Variants in CAST observed in about 807,000 individuals in gnomAD.
The protein encoded by CAST is MIR583 host.
CAST carries 76 observed loss-of-function variants against 119.6 expected under a neutral mutation model. The observed-to-expected ratio is 0.64, with a 90% confidence interval of 0.53 to 0.77. The LOEUF (loss-of-function observed/expected upper bound fraction) is 0.77, where lower values mean the gene tolerates loss of function less well. Among genes scored for constraint, CAST ranks in the 30% least tolerant of loss-of-function variants. The probability of loss-of-function intolerance (pLI) is 0.00; values close to 1 mark genes in which losing one functional copy is unlikely to be tolerated. For missense variants in CAST, 953 were observed against 946.5 expected (o/e 1.01, Z -0.09); for synonymous variants, 319 against 331.6 (o/e 0.96, Z 0.41).
chr5:96,384,037 G>A, the CAST span, among the ~76,000 whole-genome samples: 1 of 152,112 alleles, frequency 6.6e-6, no homozygotes, highest in Non-Finnish European at 1.5e-5. Flanking sequence ...TTCAGAAATG[G>A]ATACTGGATA....
At chr5:96,039,939 A>AT in the CAST span, among the ~76,000 whole-genome samples, 1 of 152,070 alleles carries the variant, frequency 6.6e-6, no homozygotes, top group African/African-American at 2.4e-5. Flanking sequence ...TGGGGATAGC[A>AT]TGAATCTATA....
At chr5:96,373,014 AT>A in the CAST span, among the ~76,000 whole-genome samples, 10 of 151,262 alleles carry the variant, frequency 6.6e-5, no homozygotes, top group East Asian at 1.6e-3. Context: ...TGATTCTCCA[AT>A]TTTTTTTTGC....
the CAST span, among the ~76,000 whole-genome samples, chr5:96,114,272 T>C: frequency 6.6e-6 from 1 of 152,190 alleles, no homozygotes; most frequent in Non-Finnish European, 1.5e-5. Flanking sequence ...TAGAGTGGTC[T>C]GTGGACCAGC....
chr5:96,600,998 T>A (rs1580841080), intron 1 of CAST, among the ~76,000 whole-genome samples: 1 of 152,180 alleles, frequency 6.6e-6, no homozygotes, highest in South Asian at 2.1e-4. Context: ...TCTTCTGGTT[T>A]ACGAACCTAC....
the CAST span, among the ~76,000 whole-genome samples, chr5:95,968,271 A>G: frequency 6.6e-6 from 1 of 152,198 alleles, no homozygotes; most frequent in Non-Finnish European, 1.5e-5. Flanking sequence ...AAAATGATCC[A>G]TTCAGCTTTG....
At chr5:96,324,422 C>A in the CAST span, among the ~76,000 whole-genome samples, 4 of 152,204 alleles carry the variant, frequency 2.6e-5, no homozygotes, top group African/African-American at 9.6e-5. Flanking sequence ...TGGCCTTTAT[C>A]CTAATCGTAA....
At chr5:96,543,011 G>A (rs1470196124) in intron 1 of CAST, among the ~76,000 whole-genome samples, 1 of 152,136 alleles carries the variant, frequency 6.6e-6, no homozygotes, top group Non-Finnish European at 1.5e-5. Flanking sequence ...AATAACATTT[G>A]ACCCAGCCAT....
the CAST span, among the ~76,000 whole-genome samples, chr5:96,464,327 GTCAAAAATGACAGTA>G: frequency 6.6e-6 from 1 of 151,824 alleles, no homozygotes. Context: ...CCTTTGTTCA[GTCAAAAATGACAGTA>G]TTTACTGTCT....
intron 1 of CAST, among the ~76,000 whole-genome samples, chr5:96,640,248 C>T (rs927425474): frequency 3.9e-5 from 6 of 152,034 alleles, no homozygotes; most frequent in African/African-American, 4.8e-5. Flanking sequence ...TCTTGGATTA[C>T]GCTGGGCTTT....
chr5:96,714,932 T>C (rs1581092610), intron 3 of CAST: 1 of 151,798 alleles, frequency 6.6e-6, no homozygotes, highest in East Asian at 1.9e-4. Flanking sequence ...CTTGGGGTGG[T>C]CCGGTATCAG....
intron 1 of CAST, among the ~76,000 whole-genome samples, chr5:96,668,087 G>A (rs1050334444): frequency 1.3e-5 from 2 of 152,176 alleles, no homozygotes; most frequent in East Asian, 1.9e-4. Context: ...GTCAATAATT[G>A]TCAACATTGT....
At chr5:96,744,327 G>T (rs1343244560) in intron 16 of CAST, among the ~76,000 whole-genome samples, 1 of 152,192 alleles carries the variant, frequency 6.6e-6, no homozygotes, top group Non-Finnish European at 1.5e-5. Flanking sequence ...GGCTAGGGAG[G>T]CCTCATAATT....
the CAST span, among the ~76,000 whole-genome samples, chr5:96,224,439 G>T: frequency 6.6e-6 from 1 of 152,106 alleles, no homozygotes; most frequent in Non-Finnish European, 1.5e-5. Flanking sequence ...CTATTCTGTT[G>T]ATCTGGGTGG....
intron 4 of CAST, among the ~76,000 whole-genome samples, chr5:96,725,715 C>G (rs1397828871): frequency 6.6e-6 from 1 of 152,132 alleles, no homozygotes; most frequent in African/African-American, 2.4e-5. Context: ...AGTGTAGGTT[C>G]TCCCATGCAA....
the CAST span, among the ~76,000 whole-genome samples, chr5:96,157,610 C>T: frequency 0.014 from 2,059 of 152,266 alleles, 44 homozygotes; most frequent in African/African-American, 0.047. Flanking sequence ...ACATTAGAAT[C>T]GTGAAACTGT....
At chr5:96,066,803 G>A in the CAST span, among the ~76,000 whole-genome samples, 1 of 151,910 alleles carries the variant, frequency 6.6e-6, no homozygotes, top group Non-Finnish European at 1.5e-5. Context: ...AGGACTACAG[G>A]CATGCACCAC....
At chr5:96,347,065 T>G in the CAST span, among the ~76,000 whole-genome samples, 507 of 152,204 alleles carry the variant, frequency 3.3e-3, 4 homozygotes, top group Non-Finnish European at 6.1e-3. Flanking sequence ...TAGATCAGCA[T>G]TGGTGGGAGG....
chr5:96,489,328 A>G, the CAST span, among the ~76,000 whole-genome samples: 1 of 152,240 alleles, frequency 6.6e-6, no homozygotes, highest in Admixed American at 6.5e-5. Context: ...TTCCATCAGT[A>G]AAGAAATTCA....
At chr5:96,006,964 T>TAAAAATACATCTAAGC in the CAST span, among the ~76,000 whole-genome samples, 1 of 152,234 alleles carries the variant, frequency 6.6e-6, no homozygotes, top group Non-Finnish European at 1.5e-5. Context: ...AAAATGTATT[T>TAAAAATACATCTAAGC]TTAAAAGCCC....
Sources: gnomAD v4.1 joint callset for allele counts (sites outside exome capture counted in the v4.1 genomes callset) on GRCh38, gnomAD v4.1.1 for gene constraint, MANE v1.5 for transcripts, NCBI Gene and HGNC (gene_info 2026-07-23, HGNC 2026-07-21) for gene names.